MAD1L1: variants seen among roughly 807,000 people sequenced by gnomAD.
MAD1L1 encodes mitotic arrest deficient 1 like 1, also known as mitotic spindle assembly checkpoint protein MAD1.
A neutral mutation model predicts 96.9 loss-of-function variants in MAD1L1; 95 were observed. The ratio of observed to expected loss-of-function variants is 0.98; its 90% CI spans 0.83 to 1.16. MAD1L1 has a LOEUF of 1.16. Among genes scored for constraint, MAD1L1 ranks in the 50% most tolerant of loss-of-function variants. The pLI is 0.00. For synonymous variants in MAD1L1, 473 were observed against 396.6 expected (o/e 1.19, Z -2.29); for missense variants, 1,007 against 954.4 (o/e 1.06, Z -0.73).
chr7:2,187,114 A>C (rs1199772909), intron 10 of MAD1L1, among the ~76,000 whole-genome samples: 1 of 152,088 alleles, frequency 6.6e-6, no homozygotes, highest in African/African-American at 2.4e-5. Flanking sequence ...TTTCATAATA[A>C]TACTAAGTGG....
At chr7:2,049,688 G>A (rs899308265) in intron 12 of MAD1L1, among the ~76,000 whole-genome samples, 1 of 152,200 alleles carries the variant, frequency 6.6e-6, no homozygotes, top group Non-Finnish European at 1.5e-5. Flanking sequence ...GCCTGGCGTG[G>A]GTGGCCAGAC....
At chr7:1,883,218 T>C (rs926621684) in intron 18 of MAD1L1, among the ~76,000 whole-genome samples, 38 of 147,640 alleles carry the variant, frequency 2.6e-4, no homozygotes, top group African/African-American at 8.9e-4. Context: ...ACAACAAACC[T>C]TGTGCCACAA....
chr7:1,855,852 G>A (rs558432296), intron 18 of MAD1L1, among the ~76,000 whole-genome samples: 1 of 152,246 alleles, frequency 6.6e-6, no homozygotes, highest in Non-Finnish European at 1.5e-5. Flanking sequence ...CCCCACTCTT[G>A]GTACCAATGC....
intron 18 of MAD1L1, among the ~76,000 whole-genome samples, chr7:1,841,105 C>A (rs1309542151): frequency 2.0e-5 from 3 of 152,214 alleles, no homozygotes; most frequent in Admixed American, 2.0e-4. Flanking sequence ...AGGTGCGGCT[C>A]TGGGGGTCCT....
At chr7:2,220,877 T>C (rs1434828895) in intron 5 of MAD1L1, 12 of 1,608,122 alleles carry the variant, frequency 7.5e-6, no homozygotes, top group Non-Finnish European at 1.0e-5. Flanking sequence ...ACTCAATTAA[T>C]ACGCACCGTG....
chr7:1,958,273 T>G (rs1055822560), intron 15 of MAD1L1, among the ~76,000 whole-genome samples: 1 of 152,182 alleles, frequency 6.6e-6, no homozygotes, highest in Non-Finnish European at 1.5e-5. Flanking sequence ...ACAGTGGGAA[T>G]AGAATACAAA....
intron 18 of MAD1L1, among the ~76,000 whole-genome samples, chr7:1,823,449 A>C (rs1782230438): frequency 6.6e-6 from 1 of 152,190 alleles, no homozygotes; most frequent in African/African-American, 2.4e-5. Context: ...TGTGAAGCAG[A>C]TACAAGGATA....
intron 13 of MAD1L1, among the ~76,000 whole-genome samples, chr7:2,008,478 G>C (rs567714485): frequency 9.2e-5 from 14 of 152,362 alleles, no homozygotes; most frequent in African/African-American, 3.4e-4. Context: ...TCACCTCTGA[G>C]ACAAGAGCTC....
In MAD1L1 at chr7:1,937,002, TCA is replaced by T. The variant is rs749197222; in HGVS notation, c.1597-107_1597-106del. The T allele has an allele frequency of 1.5e-3, 1,288 of 836,396 alleles. 3 individuals carry two copies. The highest frequency in any genetic ancestry group is 2.1e-3 in the Non-Finnish European group (1,093 of 531,426). 51.8% of individuals were successfully genotyped at this position (836,396 alleles called of 1,614,324 possible). ...GGCCCAGGAAGACACACAGCACGGG[TCA>T]CACACAGCACAGTGCTCAGTTCTTT... On this transcript the variant is annotated intron_variant, in intron 16 of 18. Transcript: ENST00000265854.
intron 11 of MAD1L1, among the ~76,000 whole-genome samples, chr7:2,136,435 C>A (rs1178287832): frequency 6.6e-6 from 1 of 152,232 alleles, no homozygotes. Context: ...TGTGGAGTGC[C>A]TGGTACCCAC....
At chr7:1,861,852 T>C (rs1784548211) in intron 18 of MAD1L1, among the ~76,000 whole-genome samples, 1 of 111,292 alleles carries the variant, frequency 9.0e-6, no homozygotes, top group African/African-American at 3.5e-5. Context: ...TGCCCCCTGG[T>C]TGGAGGGACA....
intron 12 of MAD1L1, among the ~76,000 whole-genome samples, chr7:2,029,767 C>G (rs1407319461): frequency 6.6e-6 from 1 of 151,996 alleles, no homozygotes; most frequent in Non-Finnish European, 1.5e-5. Context: ...GCAGGGCACT[C>G]TGCATGACAC....
chr7:1,885,711 G>A (rs1785971121), intron 18 of MAD1L1, among the ~76,000 whole-genome samples: 1 of 152,174 alleles, frequency 6.6e-6, no homozygotes, highest in Non-Finnish European at 1.5e-5. Context: ...CCGTGGCTCT[G>A]ACTGCTGCCC....
chr7:2,113,744 G>A (rs771110547), intron 11 of MAD1L1, among the ~76,000 whole-genome samples: 1 of 152,128 alleles, frequency 6.6e-6, no homozygotes, highest in East Asian at 1.9e-4. Context: ...CGCACACCCC[G>A]ACATCACACA....
At chr7:1,832,292 A>C (rs1583496169) in intron 18 of MAD1L1, among the ~76,000 whole-genome samples, 1 of 152,198 alleles carries the variant, frequency 6.6e-6, no homozygotes, top group South Asian at 2.1e-4. Context: ...AATTAGAATT[A>C]GAAGCAGAGC....
chr7:2,139,649 C>A (rs1005967922), intron 11 of MAD1L1, among the ~76,000 whole-genome samples: 1 of 151,698 alleles, frequency 6.6e-6, no homozygotes, highest in African/African-American at 2.4e-5. Flanking sequence ...GAGAACTCCA[C>A]AGCCACAGAG....
intron 18 of MAD1L1, among the ~76,000 whole-genome samples, chr7:1,819,089 G>A (rs6963853): frequency 0.47 from 71,455 of 151,958 alleles, 17,957 homozygotes; most frequent in African/African-American, 0.64. Flanking sequence ...AATGAGTGGC[G>A]CCGGGCCCAT....
intron 11 of MAD1L1, among the ~76,000 whole-genome samples, chr7:2,113,079 C>T (rs1787466384): frequency 7.0e-6 from 1 of 142,932 alleles, no homozygotes; most frequent in African/African-American, 2.6e-5. Flanking sequence ...GCGTCCCACT[C>T]AGGAAACGGG....
intron 11 of MAD1L1, among the ~76,000 whole-genome samples, chr7:2,134,525 G>A (rs1245064927): frequency 2.0e-5 from 3 of 152,212 alleles, no homozygotes; most frequent in African/African-American, 7.2e-5. Context: ...GGAGTGGTGA[G>A]TGGGACTCCT....
Sources: allele counts gnomAD v4.1 joint callset (sites outside exome capture counted in the v4.1 genomes callset), GRCh38; gene constraint gnomAD v4.1.1; transcripts MANE v1.5; gene names NCBI Gene and HGNC (gene_info 2026-07-23, HGNC 2026-07-21).